The following AADACL4 variants were observed in gnomAD, a reference collection of about 807,000 sequenced individuals.
The protein encoded by AADACL4 is arylacetamide deacetylase like 4, also known as arylacetamide deacetylase-like 4.
AADACL4 carries 9 observed loss-of-function variants against 14.1 expected under a neutral mutation model. That is an observed-to-expected ratio of 0.64 (90% CI 0.39 to 1.12). AADACL4 has a LOEUF of 1.12. Ranked by LOEUF, AADACL4 falls within the 50% of genes most tolerant of loss-of-function variation. The pLI, the probability that AADACL4 is intolerant of heterozygous loss-of-function variation, is 0.01. For missense variants in AADACL4, 531 were observed against 516.1 expected (o/e 1.03, Z -0.28); for synonymous variants, 188 against 201.6 (o/e 0.93, Z 0.57).
At chr1:12,649,233 A>G (rs1405686400) in intron 1 of AADACL4, among the ~76,000 whole-genome samples, 2 of 152,206 alleles carry the variant, frequency 1.3e-5, no homozygotes, top group African/African-American at 2.4e-5. Flanking sequence ...CCCCACGTGA[A>G]CATGACTCTT....
chr1:12,654,681 G>T (rs1372673338), intron 2 of AADACL4, among the ~76,000 whole-genome samples: 17 of 152,260 alleles, frequency 1.1e-4, no homozygotes, highest in South Asian at 6.2e-4. Context: ...AGGCCTGAAG[G>T]TTTTTGCAAA....
intron 3 of AADACL4, among the ~76,000 whole-genome samples, chr1:12,664,344 C>T (rs1212699157): frequency 1.3e-5 from 2 of 151,580 alleles, no homozygotes; most frequent in Non-Finnish European, 2.9e-5. Context: ...TTGATGTTTT[C>T]TTTTCTTTTT....
intron 3 of AADACL4, among the ~76,000 whole-genome samples, chr1:12,665,471 C>T (rs1428408620): frequency 2.6e-5 from 4 of 152,176 alleles, no homozygotes; most frequent in Non-Finnish European, 4.4e-5. Flanking sequence ...GTGATCCACC[C>T]GCCTTGGCCT....
chr1:12,653,820 G>C (rs190486272), intron 2 of AADACL4, among the ~76,000 whole-genome samples: 10 of 152,310 alleles, frequency 6.6e-5, no homozygotes, highest in African/African-American at 2.4e-4. Flanking sequence ...CTGGGCCTTG[G>C]ATGAAGAGAA....
rs867790840 is a variant in AADACL4 at position 12,666,148 on chromosome 1, C to T, written c.637C>T (p.Pro213Ser). ...GGCCTTGGTGGGCAGATCAGATCTT[C>T]CCCGGATCCGGGCTCAGGTTCTGAT... ...TQALVGRSDL[P>S]RIRAQVLIYP... The change falls in exon 4 of 4, where the codon CCC becomes TCC. Residue 213 changes from proline to serine, a missense_variant. Physicochemically the swap from Pro to Ser is moderately conservative, Grantham distance 74 (BLOSUM62 -1). Transcript: ENST00000376221. The T allele has an allele frequency of 3.1e-6, 5 of 1,614,132 alleles. No individual in the cohort carries two copies. The highest frequency in any genetic ancestry group is 1.1e-5 in the South Asian group (1 of 91,092).
chr1:12,649,164 CAG>C (rs1647129961), intron 1 of AADACL4, among the ~76,000 whole-genome samples: 1 of 152,172 alleles, frequency 6.6e-6, no homozygotes, highest in African/African-American at 2.4e-5. Context: ...ACCTGGGCAA[CAG>C]GGTACTGAGG....
chr1:12,654,541 A>G (rs1647169309), intron 2 of AADACL4, among the ~76,000 whole-genome samples: 1 of 152,150 alleles, frequency 6.6e-6, no homozygotes, highest in Non-Finnish European at 1.5e-5. Context: ...AGCATTGCCG[A>G]TAAGGAGGGC....
At position 12,666,604 on chromosome 1, in the gene AADACL4, G is replaced by T. The variant is rs1474842786; in HGVS notation, c.1093G>T (p.Val365Phe). ...TAAGAAGCGCTTGGAGGACCAGGGG[G>T]TCCGCGTGACATGGTACCACCTGTA... ...LYKKRLEDQGVRVTWYHLYDG... is the reference protein window; with the variant it reads ...LYKKRLEDQGFRVTWYHLYDG... Residue 365 changes from valine to phenylalanine, a missense_variant, in exon 4 of 4, where the codon GTC becomes TTC. By Grantham distance (50) the Val-to-Phe change is conservative. Transcript: ENST00000376221. The T allele has an allele frequency of 1.9e-6, 3 of 1,614,218 alleles. No individual in the cohort carries two copies. Among genetic ancestry groups the T allele is most frequent in the Admixed American group, 1.7e-5 (1 of 60,026 alleles).
At chr1:12,647,090 A>AT (rs201579516) in intron 1 of AADACL4, among the ~76,000 whole-genome samples, 6,403 of 128,782 alleles carry the variant, frequency 0.05, 189 homozygotes, top group Middle Eastern at 0.13. Context: ...AAAAGTGAGG[A>AT]TTTTTTTTTT....
Position 12,666,567 on chromosome 1 carries a change from C to T in AADACL4, c.1056C>T (p.Asp352=). 1.2e-6 allele frequency: 2 copies of T among 1,614,244 alleles called. No homozygotes were observed. The highest frequency in any genetic ancestry group is 1.7e-6 in the Non-Finnish European group (2 of 1,180,052). The change falls in exon 4 of 4, where the codon GAC becomes GAT. Residue 352 remains aspartate (D), a synonymous_variant. Transcript: ENST00000376221. ...GTGAGAATGACATACTCCGTGATGACAGCTTGCTCTATAAGAAGCGCTTGG... is the reference window on the plus strand; with the variant it reads ...GTGAGAATGACATACTCCGTGATGATAGCTTGCTCTATAAGAAGCGCTTGG... ...VSCENDILRD[D]SLLYKKRLED...
intron 1 of AADACL4, among the ~76,000 whole-genome samples, chr1:12,647,109 T>C (rs1194835271): frequency 7.5e-5 from 11 of 147,292 alleles, no homozygotes; most frequent in African/African-American, 1.3e-4. Flanking sequence ...TTTTTTTTTT[T>C]CTGAGACAGG....
At chr1:12,647,826 T>C (rs1647120721) in intron 1 of AADACL4, among the ~76,000 whole-genome samples, 1 of 152,026 alleles carries the variant, frequency 6.6e-6, no homozygotes, top group South Asian at 2.1e-4. Flanking sequence ...CAGATAACTT[T>C]TTTGTATTTT....
At chr1:12,654,289 C>A (rs1220587842) in intron 2 of AADACL4, among the ~76,000 whole-genome samples, 1 of 152,188 alleles carries the variant, frequency 6.6e-6, no homozygotes, top group African/African-American at 2.4e-5. Context: ...CTGCCTGGAA[C>A]CAGGAGGCCA....
intron 3 of AADACL4, among the ~76,000 whole-genome samples, chr1:12,662,152 T>C (rs1647239242): frequency 6.6e-6 from 1 of 152,228 alleles, no homozygotes; most frequent in Admixed American, 6.5e-5. Context: ...AGGTGTACCA[T>C]GTTGCAAATG....
intron 2 of AADACL4, among the ~76,000 whole-genome samples, chr1:12,656,237 A>T (rs1324916386): frequency 6.6e-6 from 1 of 152,092 alleles, no homozygotes; most frequent in Non-Finnish European, 1.5e-5. Context: ...GTCCCTTGTG[A>T]TTGGCCAGCT....
intron 1 of AADACL4, 127 bp downstream of exon 1, chr1:12,644,841 G>A: frequency 9.4e-7 from 1 of 1,062,150 alleles, no homozygotes. Context: ...AGATAGACTT[G>A]TCTCTTCTGT....
chr1:12,654,300 T>C (rs1000434004), intron 2 of AADACL4, among the ~76,000 whole-genome samples: 12 of 152,238 alleles, frequency 7.9e-5, no homozygotes, highest in Admixed American at 5.2e-4. Flanking sequence ...CAGGAGGCCA[T>C]GTTTTAACAA....
chr1:12,644,344 G>C lies in AADACL4; in HGVS notation c.-203G>C, dbSNP rs1647096191. Reference sequence around the variant, plus strand: ...ATTGATTTTTCTGGGTCCCCACATTGCTTAGGGAAATAGGTTCCTCCACCT... The same window carrying C: ...ATTGATTTTTCTGGGTCCCCACATTCCTTAGGGAAATAGGTTCCTCCACCT... On this transcript the variant is annotated 5_prime_UTR_variant, in exon 1 of 4. Coordinates refer to ENST00000376221, the MANE Select transcript of AADACL4 (RefSeq NM_001013630.2). Among the ~76,000 whole-genome samples the C allele has an allele frequency of 6.6e-6, 1 of 152,166 alleles. No homozygotes were observed. The highest frequency in any genetic ancestry group is 2.4e-5 in the African/African-American group (1 of 41,432).
rs143418742 is a variant in AADACL4, at chr1:12,661,545, C to G, written c.386-246C>G. Reference sequence around the variant, plus strand: ...ATTTCCAGGTTCCTGGTTTCCTCCACTGTAAAATAAATGTTGCAGAAAGTG... The same window carrying G: ...ATTTCCAGGTTCCTGGTTTCCTCCAGTGTAAAATAAATGTTGCAGAAAGTG... On this transcript the variant is annotated intron_variant, in intron 2 of 3. Transcript: ENST00000376221. Among the ~76,000 whole-genome samples the G allele has an allele frequency of 2.9e-3, 449 of 152,260 alleles. 3 individuals carry two copies. The highest frequency in any genetic ancestry group is 0.01 in the African/African-American group (422 of 41,540).
Sources: allele counts gnomAD v4.1 joint callset (sites outside exome capture counted in the v4.1 genomes callset), GRCh38; gene constraint gnomAD v4.1.1; transcripts MANE v1.5; gene names NCBI Gene and HGNC (gene_info 2026-07-23, HGNC 2026-07-21).